The following CACHD1 variants were observed in gnomAD, a reference collection of about 807,000 sequenced individuals.
CACHD1 encodes VWFA and cache domain-containing protein 1.
A neutral mutation model predicts 138.7 loss-of-function variants in CACHD1; 71 were observed. The ratio of observed to expected loss-of-function variants is 0.51; its 90% confidence interval spans 0.42 to 0.62. The LOEUF is 0.62. Ranked by LOEUF, CACHD1 falls within the 20% of genes least tolerant of loss-of-function variation. CACHD1 has a pLI of 0.00. For missense variants in CACHD1, 1,389 were observed against 1,625.3 expected (o/e 0.85, Z 2.50); for synonymous variants, 578 against 591.5 (o/e 0.98, Z 0.33).
Position 64,679,595 on chromosome 1 carries a change from G to A in CACHD1, c.3245G>A (p.Gly1082Asp), listed in dbSNP as rs774717667. The A allele has an allele frequency of 6.2e-7, 1 of 1,614,018 alleles. No individual in the cohort carries two copies. The highest frequency in any genetic ancestry group is 1.3e-5 in the African/African-American group (1 of 75,044). ...ACATCTTCTTGCTCTTTCACTGAAG[G>A]TGATGAGGTGATCACATTAAACATG... ...SPYVDDMGAI[G>D]DEVITLNMIK... Residue 1082 changes from glycine (G) to aspartate (D), a missense_variant and splice_region_variant, in exon 24 of 27, where the codon GGT becomes GAT. Gly to Asp is a moderately conservative substitution (Grantham distance 94). This residue lies in a region of CACHD1 where 250 missense variants were observed against 292.9 expected (regional missense o/e 0.85). Coordinates refer to ENST00000651257, the MANE Select transcript of CACHD1 (RefSeq NM_020925.4).
chr1:64,631,777 T>C (rs1648313100), intron 5 of CACHD1, among the ~76,000 whole-genome samples: 1 of 152,170 alleles, frequency 6.6e-6, no homozygotes, highest in Non-Finnish European at 1.5e-5. Flanking sequence ...CCCCTTTTTT[T>C]CAATGTTGGC....
At chr1:64,619,017 G>A (rs1254231947) in intron 4 of CACHD1, among the ~76,000 whole-genome samples, 6 of 152,076 alleles carry the variant, frequency 3.9e-5, no homozygotes, top group African/African-American at 7.2e-5. Context: ...AACAGAAGTC[G>A]CAACCCAACA....
chr1:64,522,242 A>G (rs1297393531), intron 1 of CACHD1, among the ~76,000 whole-genome samples: 1 of 152,198 alleles, frequency 6.6e-6, no homozygotes, highest in Non-Finnish European at 1.5e-5. Flanking sequence ...GGCACCCTTC[A>G]AGACCATAGA....
At chr1:64,486,421 C>G (rs1646243754) in intron 1 of CACHD1, among the ~76,000 whole-genome samples, 1 of 151,932 alleles carries the variant, frequency 6.6e-6, no homozygotes, top group Admixed American at 6.6e-5. Flanking sequence ...CATACACACA[C>G]ACACGTATTC....
intron 1 of CACHD1, among the ~76,000 whole-genome samples, chr1:64,495,880 A>G (rs1646303612): frequency 6.6e-6 from 1 of 152,118 alleles, no homozygotes; most frequent in Non-Finnish European, 1.5e-5. Context: ...ATACAACAAA[A>G]GTTGGAATAT....
Position 64,566,333 on chromosome 1 carries a change from C to T in CACHD1, c.261+15677C>T, listed in dbSNP as rs562631184. On this transcript the variant is annotated intron_variant, in intron 2 of 26. Transcript: ENST00000651257. ...AAAATTTGCTGCATGAATTAATAAT[C>T]CTCAAAAACAACTCTTCCAGATTTA... 2.0e-4 allele frequency among the ~76,000 whole-genome samples: 30 copies of T among 152,212 alleles called. No homozygotes were observed. In the South Asian group the frequency reaches 6.0e-3, roughly 31 times the overall value.
chr1:64,615,398 G>A (rs1381483844), intron 4 of CACHD1, among the ~76,000 whole-genome samples: 1 of 152,154 alleles, frequency 6.6e-6, no homozygotes, highest in African/African-American at 2.4e-5. Flanking sequence ...AAGCTGGGGT[G>A]GCCTTCCAGG....
intron 4 of CACHD1, among the ~76,000 whole-genome samples, chr1:64,618,444 C>T (rs909528297): frequency 2.0e-5 from 3 of 152,168 alleles, no homozygotes; most frequent in Admixed American, 6.5e-5. Flanking sequence ...GCCTCCCCTG[C>T]TTAAAATCTC....
rs116765538 is a variant in CACHD1, at chr1:64,505,136, G to A, written c.198+34194G>A. On this transcript the variant is annotated intron_variant, in intron 1 of 26. Coordinates refer to ENST00000651257, the MANE Select transcript of CACHD1 (RefSeq NM_020925.4). ...TTGGTGTGAAACTAGAGGTATAGAG[G>A]TAACTTTTTATTATACCACCACCCA... is the stretch of plus-strand genomic sequence containing the variant. Among the ~76,000 whole-genome samples the A allele has an allele frequency of 9.5e-3, 1,443 of 152,210 alleles. 24 individuals carry two copies. Among genetic ancestry groups the A allele is most frequent in the African/African-American group, 0.033 (1,384 of 41,530 alleles).
chr1:64,654,862 T>G, intron 12 of CACHD1, 59 bp downstream of exon 12: 1 of 1,297,768 alleles, frequency 7.7e-7, no homozygotes, highest in South Asian at 1.2e-5. Flanking sequence ...CTCTTCTTCA[T>G]GTTGGAATTC....
Position 64,606,483 on chromosome 1 carries a change from CG to C in CACHD1, c.517+3576del, listed in dbSNP as rs759855237. Among the ~76,000 whole-genome samples, 8 of 152,120 alleles carry C rather than the reference CG, an allele frequency of 5.3e-5. No individual in the cohort carries two copies. The East Asian group carries it at 7.7e-4, about 15-fold the overall frequency. On this transcript the variant is annotated intron_variant, in intron 4 of 26. Transcript: ENST00000651257. ...GAGTAGATTAGGCCAGAGAGGCAGTCGGGGGCCAGGTCACCAAGAGCCTTAT... is the reference window on the plus strand; with the variant it reads ...GAGTAGATTAGGCCAGAGAGGCAGTCGGGGCCAGGTCACCAAGAGCCTTAT...
At chr1:64,647,681 C>A in intron 8 of CACHD1, 120 bp from the exon 9 acceptor site, 2 of 768,662 alleles carry the variant, frequency 2.6e-6, no homozygotes, top group Non-Finnish European at 2.1e-6. Flanking sequence ...GTGGTCTCTG[C>A]AAAAACCCCT....
At chr1:64,678,701 G>A (rs915457138) in intron 23 of CACHD1, among the ~76,000 whole-genome samples, 1 of 152,248 alleles carries the variant, frequency 6.6e-6, no homozygotes, top group East Asian at 1.9e-4. Flanking sequence ...ACTTTTGCAA[G>A]GTAGAAGTCT....
chr1:64,661,184 C>T (rs979294536), intron 13 of CACHD1, among the ~76,000 whole-genome samples: 3 of 152,130 alleles, frequency 2.0e-5, no homozygotes, highest in Admixed American at 1.3e-4. Context: ...CATTTGATTT[C>T]AGTGATGTGG....
intron 1 of CACHD1, among the ~76,000 whole-genome samples, chr1:64,534,138 G>A (rs1383660552): frequency 1.3e-5 from 2 of 151,408 alleles, no homozygotes; most frequent in African/African-American, 2.4e-5. Flanking sequence ...CTGCCTCCTG[G>A]GTTGCAGAAA....
intron 12 of CACHD1, among the ~76,000 whole-genome samples, chr1:64,656,676 A>G (rs895521087): frequency 6.6e-6 from 1 of 152,134 alleles, no homozygotes; most frequent in African/African-American, 2.4e-5. Flanking sequence ...AATTCGAGGT[A>G]GTAATCAGGT....
At chr1:64,666,389 T>C (rs1373382075) in intron 16 of CACHD1, among the ~76,000 whole-genome samples, 8 of 152,208 alleles carry the variant, frequency 5.3e-5, no homozygotes, top group Admixed American at 5.2e-4. Flanking sequence ...ATGGTTGTCA[T>C]GTAAACTGAG....
chr1:64,505,994 C>T (rs797001355), intron 1 of CACHD1: 25 of 152,602 alleles, frequency 1.6e-4, no homozygotes, highest in African/African-American at 5.8e-4. Context: ...GTCGCCACCT[C>T]CACATCCCTT....
At chr1:64,497,299 G>A (rs1034363745) in intron 1 of CACHD1, among the ~76,000 whole-genome samples, 13 of 152,048 alleles carry the variant, frequency 8.5e-5, no homozygotes, top group Admixed American at 7.9e-4. Context: ...TGCTTCCATC[G>A]TGCCTTGGGA....
Sources: allele counts gnomAD v4.1 joint callset (sites outside exome capture counted in the v4.1 genomes callset), GRCh38; gene constraint gnomAD v4.1.1; regional missense constraint gnomAD v4.1.1; transcripts MANE v1.5; gene names NCBI Gene and HGNC (gene_info 2026-07-23, HGNC 2026-07-21).